Variants in CT45A1 observed in about 807,000 individuals in gnomAD.
CT45A1 encodes cancer/testis antigen family 45 member A1.
At chrX:135,715,665 A>G (rs868993401) in intron 1 of CT45A1, among the ~76,000 whole-genome samples, 4 of 99,938 alleles carry the variant, frequency 4.0e-5, no homozygotes, top group African/African-American at 1.5e-4. Flanking sequence ...TAATACTTAT[A>G]TATATAATAC....
At chrX:135,711,164 A>G (rs1354529718), upstream of CT45A1, among the ~76,000 whole-genome samples, 5 of 111,782 alleles carry the variant, frequency 4.5e-5, no homozygotes, top group Admixed American at 3.8e-4. Flanking sequence ...AAATACTCAT[A>G]TGAGTACTGC....
chrX:135,709,178 G>A (rs1407549977), upstream of CT45A1, among the ~76,000 whole-genome samples: 3 of 112,312 alleles, frequency 2.7e-5, no homozygotes, highest in Non-Finnish European at 5.6e-5. Flanking sequence ...ATTTGATTAA[G>A]TTTATGGTCC....
upstream of CT45A1, among the ~76,000 whole-genome samples, chrX:135,712,970 TTTC>T (rs1461121000): frequency 4.8e-5 from 3 of 61,881 alleles, no homozygotes; most frequent in South Asian, 9.8e-4. Context: ...TCTTTCTTTC[TTTC>T]TTTTCTTTCT....
chrX:135,708,743 C>T (rs1345294365), upstream of CT45A1, among the ~76,000 whole-genome samples: 2 of 111,484 alleles, frequency 1.8e-5, no homozygotes, highest in Admixed American at 9.5e-5. Flanking sequence ...TCTTGACATG[C>T]CAGACTACTA....
At chrX:135,713,013 CTTTCTT>C (rs1440576691), upstream of CT45A1, among the ~76,000 whole-genome samples, 20 of 77,872 alleles carry the variant, frequency 2.6e-4, no homozygotes, top group African/African-American at 7.4e-4. Context: ...CTCTCTCTCT[CTTTCTT>C]TCTTTCTTTC....
chrX:135,710,865 C>T (rs187817572), upstream of CT45A1, among the ~76,000 whole-genome samples: 4 of 111,926 alleles, frequency 3.6e-5, no homozygotes, highest in Admixed American at 1.9e-4. Context: ...TTTTTTTTCT[C>T]AGACGTCCTT....
At chrX:135,718,651 A>G (rs1283022396) in intron 1 of CT45A1, among the ~76,000 whole-genome samples, 1 of 108,433 alleles carries the variant, frequency 9.2e-6, no homozygotes, top group African/African-American at 3.3e-5. Context: ...CAAATAGGTA[A>G]TAATATTTTT....
intron 1 of CT45A1, among the ~76,000 whole-genome samples, chrX:135,715,358 AATAC>A (rs2087974007): frequency 1.7e-4 from 6 of 36,333 alleles, no homozygotes; most frequent in African/African-American, 2.0e-4. Context: ...ACTTACATAT[AATAC>A]TTATATATAT....
chrX:135,713,162 C>T (rs1556570205), upstream of CT45A1, among the ~76,000 whole-genome samples: 6 of 102,156 alleles, frequency 5.9e-5, no homozygotes, highest in Admixed American at 2.2e-4. Context: ...CTCAACTTCC[C>T]GAGTAGTTGG....
chrX:135,717,544 G>A (rs1247771072), intron 1 of CT45A1, among the ~76,000 whole-genome samples: 1 of 99,275 alleles, frequency 1.0e-5, no homozygotes, highest in African/African-American at 3.5e-5. Flanking sequence ...GGGAGGCTCC[G>A]ACTCAAAAAA....
chrX:135,718,595 G>C (rs2353540), intron 1 of CT45A1, among the ~76,000 whole-genome samples: 1 of 110,309 alleles, frequency 9.1e-6, no homozygotes, highest in Non-Finnish European at 1.9e-5. Context: ...GGTTTATACA[G>C]CTATTTTTCC....
chrX:135,718,465 G>A (rs2088009842), intron 1 of CT45A1, among the ~76,000 whole-genome samples: 3 of 109,238 alleles, frequency 2.7e-5, no homozygotes, highest in Admixed American at 9.9e-5. Flanking sequence ...ATACAGATTG[G>A]TTTATACATC....
At chrX:135,713,144 C>A (rs1353070002), upstream of CT45A1, among the ~76,000 whole-genome samples, 2 of 100,435 alleles carry the variant, frequency 2.0e-5, no homozygotes, top group African/African-American at 7.3e-5. Flanking sequence ...TTCCAGCGAT[C>A]CTCCCACCTC....
intron 1 of CT45A1, among the ~76,000 whole-genome samples, chrX:135,718,216 C>T (rs1204939323): frequency 2.7e-5 from 3 of 111,497 alleles, no homozygotes; most frequent in African/African-American, 9.8e-5. Context: ...TATCGATTAT[C>T]AAATGTTAAA....
At chrX:135,712,723 A>C (rs180940685), upstream of CT45A1, among the ~76,000 whole-genome samples, 130 of 107,174 alleles carry the variant, frequency 1.2e-3, no homozygotes, top group Admixed American at 3.6e-3. Context: ...TTGAGACGAG[A>C]TTCACCATGT....
At chrX:135,716,143 G>A (rs781978553) in intron 1 of CT45A1, among the ~76,000 whole-genome samples, 5 of 111,282 alleles carry the variant, frequency 4.5e-5, no homozygotes, top group South Asian at 7.5e-4. Context: ...ATAAACATAC[G>A]TGTGCATGTG....
intron 1 of CT45A1, among the ~76,000 whole-genome samples, chrX:135,715,640 A>G (rs2087981168): frequency 1.0e-5 from 1 of 95,533 alleles, no homozygotes; most frequent in Non-Finnish European, 2.0e-5. Flanking sequence ...TATATATATA[A>G]TACTTATATG....
intron 1 of CT45A1, among the ~76,000 whole-genome samples, chrX:135,715,005 G>A (rs1462129943): frequency 3.8e-5 from 4 of 106,561 alleles, no homozygotes; most frequent in Admixed American, 1.1e-4. Context: ...ACACATGCAC[G>A]CAGGCATATA....
rs181042687 is a variant in CT45A1 at position 135,718,040 on chromosome X, T to C, written c.-6-895T>C. 9.8e-5 allele frequency among the ~76,000 whole-genome samples: 11 copies of C among 112,094 alleles called. No individual in the cohort carries two copies. The East Asian group carries it at 3.1e-3, about 31-fold the overall frequency. On this transcript the variant is annotated intron_variant, in intron 1 of 4. Coordinates refer to ENST00000594565, the MANE Select transcript of CT45A1 (RefSeq NM_001017417.3). ...CACTATGAAGTATGGCATTTAAAAA[T>C]TTTTTGTACATATGCTAACCAGAAT...
Sources: allele counts gnomAD v4.1 joint callset (sites outside exome capture counted in the v4.1 genomes callset), GRCh38; gene constraint gnomAD v4.1.1; transcripts MANE v1.5; gene names NCBI Gene and HGNC (gene_info 2026-07-23, HGNC 2026-07-21).